ST6GALNAC6: variants seen among roughly 807,000 people sequenced by gnomAD.
ST6GALNAC6 encodes ST6 N-acetylgalactosaminide alpha-2,6-sialyltransferase 6.
ST6GALNAC6 carries 19 observed loss-of-function variants against 34.3 expected under a neutral mutation model. The observed-to-expected ratio is 0.55, with a 90% CI of 0.39 to 0.81. The LOEUF is 0.81. Among genes scored for constraint, ST6GALNAC6 ranks in the 40% least tolerant of loss-of-function variants. The pLI is 0.00. For missense variants in ST6GALNAC6, 377 were observed against 467.7 expected, an observed-to-expected ratio of 0.81 and a Z score of 1.79; for synonymous variants, 185 against 182.1, an observed-to-expected ratio of 1.02 and a Z score of -0.13.
chr9:127,898,100 G>A (rs1004051449), intron 1 of ST6GALNAC6, 90 bp from the exon 2 acceptor site: 12 of 753,610 alleles, frequency 1.6e-5, no homozygotes, highest in Non-Finnish European at 2.7e-5. Context: ...GGGCTTGAAA[G>A]TGCTCCCACA....
At chr9:127,905,417 C>G (rs937364805), upstream of ST6GALNAC6, 1 of 985,404 alleles carries the variant, frequency 1.0e-6, no homozygotes, top group African/African-American at 1.7e-5. Flanking sequence ...AATACCCCAC[C>G]CGAGGGTAGG....
intron 2 of ST6GALNAC6, among the ~76,000 whole-genome samples, chr9:127,896,569 C>T (rs35958431): frequency 0.081 from 12,350 of 152,290 alleles, 663 homozygotes; most frequent in Non-Finnish European, 0.12. Context: ...CAGGGGCCTT[C>T]CCACACCAAG....
chr9:127,886,653 G>A lies in ST6GALNAC6; in HGVS notation c.948C>T (p.Phe316=). 3.7e-6 allele frequency: 6 copies of A among 1,614,130 alleles called. No individual in the cohort carries two copies. The highest frequency in any genetic ancestry group is 1.1e-5 in the South Asian group (1 of 91,076). ...HHRFITEKRV[F]SSWAQLYGIT... ...TGCCATACAGCTGGGCCCACGATGA[G>A]AAGACCCTTTTCTCGGTGATGAAGC... Residue 316 remains phenylalanine, a synonymous_variant, in exon 7 of 7, where the codon TTC becomes TTT. Coordinates refer to ENST00000373146, the MANE Select transcript of ST6GALNAC6 (RefSeq NM_013443.5).
chr9:127,897,704 G>T, intron 2 of ST6GALNAC6: 1 of 826,832 alleles, frequency 1.2e-6, no homozygotes, highest in Non-Finnish European at 1.8e-6. Flanking sequence ...AGAATCCTGG[G>T]GTGGCCCCAT....
chr9:127,902,565 CATTATTATTATTATT>C (rs61633477), upstream of ST6GALNAC6, among the ~76,000 whole-genome samples: 19 of 146,950 alleles, frequency 1.3e-4, no homozygotes, highest in Admixed American at 2.0e-4. Flanking sequence ...ATAATGGTCA[CATTATTATTATTATT>C]ATTATTATTA....
At chr9:127,888,941 C>G (rs1829964606) in intron 5 of ST6GALNAC6, among the ~76,000 whole-genome samples, 1 of 152,122 alleles carries the variant, frequency 6.6e-6, no homozygotes, top group South Asian at 2.1e-4. Context: ...CTAGCCAGTG[C>G]AATAAAGCAA....
At chr9:127,899,727 AGG>A (rs1830684163), upstream of ST6GALNAC6, 2 of 929,260 alleles carry the variant, frequency 2.2e-6, no homozygotes, top group African/African-American at 3.6e-5. Context: ...GGGAAGGGAA[AGG>A]GGAGGCGGAC....
upstream of ST6GALNAC6, among the ~76,000 whole-genome samples, chr9:127,901,050 GC>G (rs1202972640): frequency 2.1e-5 from 3 of 143,278 alleles, no homozygotes; most frequent in African/African-American, 7.9e-5. Context: ...GTAAACATTT[GC>G]ATTCCACAGC....
intron 1 of ST6GALNAC6, 78 bp downstream of exon 1, chr9:127,899,425 C>T (rs1035018551): frequency 2.6e-6 from 2 of 760,858 alleles, no homozygotes; most frequent in Non-Finnish European, 3.2e-6. Context: ...TTAGCAATCT[C>T]CTCTCCCGGC....
intron 2 of ST6GALNAC6, chr9:127,897,138 G>C: frequency 1.0e-6 from 1 of 979,898 alleles, no homozygotes; most frequent in East Asian, 1.1e-4. Flanking sequence ...GCCCAGCTCT[G>C]CTCCGCACAC....
chr9:127,896,768 T>C (rs1026513843), intron 2 of ST6GALNAC6: 5 of 758,732 alleles, frequency 6.6e-6, no homozygotes, highest in South Asian at 1.2e-4. Context: ...ACGCCCTCCC[T>C]CCTATGGCCT....
At chr9:127,906,027 C>T, upstream of ST6GALNAC6, 1 of 985,002 alleles carries the variant, frequency 1.0e-6, no homozygotes, top group Non-Finnish European at 1.2e-6. Flanking sequence ...CTCTCCTCCC[C>T]CCTCCCATTC....
chr9:127,897,752 C>T lies in ST6GALNAC6; in HGVS notation c.26+204G>A, dbSNP rs182822033. On this transcript the variant is annotated intron_variant, in intron 2 of 6. Coordinates refer to ENST00000373146, the MANE Select transcript of ST6GALNAC6 (RefSeq NM_013443.5). The stretch of plus-strand genomic sequence containing the variant: ...CTTGGCATTCAAGGCGCCCAGGGGT[C>T]CAGCCGCCTATATCTTACTACGCGT... 11,231 of 1,311,198 alleles carry T rather than the reference C, an allele frequency of 8.6e-3. 59 individuals are homozygous for T. The highest frequency in any genetic ancestry group is 0.01 in the Non-Finnish European group (10,112 of 984,526). The allele number at this position is 1,311,198 out of a possible 1,614,324, so 81.2% of individuals were successfully genotyped here.
At chr9:127,889,444 C>CT (rs200272209) in intron 5 of ST6GALNAC6, among the ~76,000 whole-genome samples, 7 of 139,632 alleles carry the variant, frequency 5.0e-5, no homozygotes, top group African/African-American at 1.8e-4. Context: ...TCTTTTTTTT[C>CT]TTTTTTTTTT....
upstream of ST6GALNAC6, among the ~76,000 whole-genome samples, chr9:127,900,609 T>A (rs1389048938): frequency 6.8e-6 from 1 of 148,134 alleles, no homozygotes; most frequent in East Asian, 2.0e-4. Context: ...TCAGTATGTC[T>A]TGGCAGGAAA....
Position 127,896,759 on chromosome 9 carries a change from C to A in ST6GALNAC6, c.27-427G>T. The A allele has an allele frequency of 9.2e-6, 6 of 649,710 alleles. 1 individual carries two copies. The South Asian group carries it at 3.4e-4, about 37-fold the overall frequency. 40.2% of individuals were successfully genotyped at this position (649,710 alleles called of 1,614,324 possible). A position where few individuals can be genotyped will look rare whatever the true frequency, so the allele number is the denominator to read the frequency against. On this transcript the variant is annotated intron_variant, in intron 2 of 6. Transcript: ENST00000373146. ...GGCTCTCTCTCAGGTTGGCCTGGAA[C>A]GCCCTCCCTCCTATGGCCTCCTGAC... is the stretch of plus-strand genomic sequence containing the variant.
chr9:127,894,951 C>T (rs1393985052), intron 3 of ST6GALNAC6, among the ~76,000 whole-genome samples: 1 of 152,166 alleles, frequency 6.6e-6, no homozygotes, highest in African/African-American at 2.4e-5. Flanking sequence ...TATCCTAGAT[C>T]CCAGGGCAGG....
intron 3 of ST6GALNAC6, 135 bp downstream of exon 3, chr9:127,896,107 C>A: frequency 9.8e-7 from 1 of 1,022,716 alleles, no homozygotes; most frequent in Non-Finnish European, 1.5e-6. Flanking sequence ...TAAATCTGGG[C>A]CTCCCAGGCA....
At chr9:127,896,133 G>A (rs1037937302) in intron 3 of ST6GALNAC6, 109 bp downstream of exon 3, 54 of 1,288,970 alleles carry the variant, frequency 4.2e-5, no homozygotes, top group Non-Finnish European at 5.4e-5. Context: ...AGCTTCTTGC[G>A]GGGAAGAAGA....
Sources: allele counts gnomAD v4.1 joint callset (sites outside exome capture counted in the v4.1 genomes callset), GRCh38; gene constraint gnomAD v4.1.1; transcripts MANE v1.5; gene names NCBI Gene and HGNC (gene_info 2026-07-23, HGNC 2026-07-21).